TAMM41: variants seen among roughly 807,000 people sequenced by gnomAD.
TAMM41 encodes the protein phosphatidate cytidylyltransferase, mitochondrial.
A neutral mutation model predicts 44.1 loss-of-function variants in TAMM41; 36 were observed. The observed-to-expected ratio is 0.82, with a 90% CI of 0.63 to 1.08. The LOEUF is 1.08. Among genes scored for constraint, TAMM41 ranks in the 50% least tolerant of loss-of-function variants. The pLI is 0.00. For synonymous variants in TAMM41, 164 were observed against 153.1 expected (o/e 1.07, Z -0.53); for missense variants, 417 against 404.3 (o/e 1.03, Z -0.27).
chr3:11,809,435 A>G, intron 6 of TAMM41, 82 bp downstream of exon 6: 9 of 1,522,250 alleles, frequency 5.9e-6, no homozygotes, highest in Non-Finnish European at 8.1e-6. Context: ...ACAAAAAGGA[A>G]GAAATAATAC....
intron 4 of TAMM41, among the ~76,000 whole-genome samples, chr3:11,827,466 C>T (rs1420800156): frequency 2.0e-5 from 3 of 151,580 alleles, no homozygotes; most frequent in Non-Finnish European, 2.9e-5. Context: ...TGCACCACCA[C>T]GCCTGACTAA....
intron 2 of TAMM41, among the ~76,000 whole-genome samples, chr3:11,840,116 T>A (rs1030393112): frequency 6.6e-6 from 1 of 151,918 alleles, no homozygotes; most frequent in Non-Finnish European, 1.5e-5. Context: ...CATTCCCTAG[T>A]CCCCTGTTCA....
the TAMM41 span, among the ~76,000 whole-genome samples, chr3:11,731,754 T>C: frequency 6.6e-6 from 1 of 152,158 alleles, no homozygotes; most frequent in Admixed American, 6.6e-5. Context: ...TTGAGGCTGC[T>C]ACAAAAGCCA....
intron 5 of TAMM41, among the ~76,000 whole-genome samples, chr3:11,811,786 G>A (rs562906568): frequency 6.6e-6 from 1 of 152,174 alleles, no homozygotes; most frequent in South Asian, 2.1e-4. Context: ...CCTGGGTGAG[G>A]GGAGAGCTGG....
the TAMM41 span, among the ~76,000 whole-genome samples, chr3:11,781,108 AG>A: frequency 3.3e-5 from 5 of 152,168 alleles, no homozygotes; most frequent in Non-Finnish European, 4.4e-5. Context: ...CTCTGGGAAT[AG>A]GCTTTAGACT....
chr3:11,730,473 G>T, the TAMM41 span, among the ~76,000 whole-genome samples: 2 of 149,942 alleles, frequency 1.3e-5, no homozygotes, highest in Admixed American at 6.7e-5. Context: ...GGTGGCTCAC[G>T]CCTGTAATCC....
At chr3:11,744,932 C>G in the TAMM41 span, among the ~76,000 whole-genome samples, 1 of 151,088 alleles carries the variant, frequency 6.6e-6, no homozygotes, top group East Asian at 2.0e-4. Flanking sequence ...GGTGCGATCT[C>G]GACTCACTGC....
the TAMM41 span, among the ~76,000 whole-genome samples, chr3:11,723,938 G>A: frequency 2.6e-5 from 4 of 151,928 alleles, no homozygotes; most frequent in African/African-American, 9.7e-5. Context: ...GCCCAGAGTT[G>A]ATCGTTGTTG....
chr3:11,780,099 A>C, the TAMM41 span, among the ~76,000 whole-genome samples: 1 of 152,170 alleles, frequency 6.6e-6, no homozygotes, highest in Non-Finnish European at 1.5e-5. Flanking sequence ...GTGCAGCCAC[A>C]CTGATGTTTG....
intron 7 of TAMM41, among the ~76,000 whole-genome samples, chr3:11,802,598 G>C (rs1296508788): frequency 2.0e-5 from 3 of 152,282 alleles, no homozygotes; most frequent in Non-Finnish European, 2.9e-5. Flanking sequence ...ACCTGATGGA[G>C]TCACAGCTGA....
At chr3:11,800,516 C>A (rs200383303) in intron 7 of TAMM41, among the ~76,000 whole-genome samples, 1 of 143,848 alleles carries the variant, frequency 7.0e-6, no homozygotes, top group African/African-American at 2.6e-5. Flanking sequence ...ATATATATGT[C>A]AAATAAAACA....
chr3:11,825,634 T>C (rs2078716807), intron 4 of TAMM41, among the ~76,000 whole-genome samples: 1 of 152,222 alleles, frequency 6.6e-6, no homozygotes, highest in African/African-American at 2.4e-5. Flanking sequence ...TAGAAGTAGC[T>C]GAGGCTGTGT....
the TAMM41 span, among the ~76,000 whole-genome samples, chr3:11,782,224 A>G: frequency 6.6e-6 from 1 of 152,164 alleles, no homozygotes. Context: ...AACCTCTGTA[A>G]TCCTGTTTTC....
the TAMM41 span, among the ~76,000 whole-genome samples, chr3:11,747,140 G>A: frequency 6.6e-6 from 1 of 151,746 alleles, no homozygotes; most frequent in Admixed American, 6.6e-5. Flanking sequence ...TCGGCTCACT[G>A]TAGCCTCTGC....
chr3:11,778,715 T>C, the TAMM41 span, among the ~76,000 whole-genome samples: 1 of 152,184 alleles, frequency 6.6e-6, no homozygotes, highest in African/African-American at 2.4e-5. Context: ...TGGTATCTCA[T>C]TGTGATTTGA....
At chr3:11,840,908 C>A (rs2079406727) in intron 2 of TAMM41, among the ~76,000 whole-genome samples, 1 of 152,006 alleles carries the variant, frequency 6.6e-6, no homozygotes, top group South Asian at 2.1e-4. Context: ...TTACAAAGTA[C>A]AAGAAATTTT....
At chr3:11,816,964 C>A in intron 5 of TAMM41, 2 of 447,146 alleles carry the variant, frequency 4.5e-6, no homozygotes, top group Non-Finnish European at 7.9e-6. Context: ...AAAACAAGTC[C>A]CTCTCCCACT....
At chr3:11,768,556 C>T in the TAMM41 span, among the ~76,000 whole-genome samples, 1 of 152,342 alleles carries the variant, frequency 6.6e-6, no homozygotes, top group African/African-American at 2.4e-5. Flanking sequence ...CATACTCACT[C>T]ATTCATTTTC....
the TAMM41 span, among the ~76,000 whole-genome samples, chr3:11,725,923 A>C: frequency 1.3e-5 from 2 of 152,280 alleles, no homozygotes; most frequent in African/African-American, 4.8e-5. Context: ...GGGGCTAAGG[A>C]GTTCAGTTCA....
Sources: gnomAD v4.1 joint callset for allele counts (sites outside exome capture counted in the v4.1 genomes callset) on GRCh38, gnomAD v4.1.1 for gene constraint, MANE v1.5 for transcripts, NCBI Gene and HGNC (gene_info 2026-07-23, HGNC 2026-07-21) for gene names.